The following GTPBP4 variants were observed in gnomAD, a reference collection of about 807,000 sequenced individuals.
GTPBP4 encodes GTP-binding protein 4.
GTPBP4 carries 15 observed loss-of-function variants against 81.7 expected under a neutral mutation model. That is an observed-to-expected ratio of 0.18 (90% CI 0.12 to 0.28). The LOEUF (loss-of-function observed/expected upper bound fraction) is 0.28, where lower values mean the gene tolerates loss of function less well. GTPBP4 is among the 10% of genes least tolerant of loss of function. GTPBP4 has a pLI of 1.00. For missense variants in GTPBP4, 847 were observed against 793.8 expected (o/e 1.07, Z -0.81); for synonymous variants, 272 against 274.6 (o/e 0.99, Z 0.09).
At chr10:1,013,619 A>G (rs1831919840) in intron 14 of GTPBP4, among the ~76,000 whole-genome samples, 1 of 152,082 alleles carries the variant, frequency 6.6e-6, no homozygotes, top group Non-Finnish European at 1.5e-5. Context: ...CAAAAAATAA[A>G]AAATTTAAAA....
chr10:991,764 C>T (rs1452064552), intron 1 of GTPBP4, among the ~76,000 whole-genome samples: 23 of 138,706 alleles, frequency 1.7e-4, no homozygotes, highest in African/African-American at 6.2e-4. Flanking sequence ...GGCGCGATCT[C>T]GGCTCACTGC....
chr10:1,007,786 G>A, intron 10 of GTPBP4: 5 of 443,926 alleles, frequency 1.1e-5, no homozygotes, highest in South Asian at 3.3e-5. Flanking sequence ...CGGCGTGGTC[G>A]GGCACTGACT....
chr10:1,000,608 T>C, intron 6 of GTPBP4, 69 bp from the exon 7 acceptor site: 1 of 879,458 alleles, frequency 1.1e-6, no homozygotes, highest in South Asian at 2.5e-5. Context: ...TGTGAGTGAC[T>C]TCTGGGATGT....
intron 13 of GTPBP4, among the ~76,000 whole-genome samples, chr10:1,011,020 C>T (rs541754122): frequency 4.4e-5 from 5 of 113,014 alleles, no homozygotes; most frequent in East Asian, 5.4e-4. Flanking sequence ...CCTGTGTCTC[C>T]GCCAGGCCCT....
Position 1,017,345 on chromosome 10 carries a change from C to CAACAAGTGCTTT in GTPBP4, c.*119_*120insACAAGTGCTTTA. The CAACAAGTGCTTT allele has an allele frequency of 1.0e-6, 1 of 965,072 alleles. No homozygotes were observed. Among genetic ancestry groups the CAACAAGTGCTTT allele is most frequent in the Non-Finnish European group, 1.6e-6 (1 of 640,818 alleles). 59.8% of individuals were successfully genotyped at this position (965,072 alleles called of 1,614,324 possible). On this transcript the variant is annotated 3_prime_UTR_variant, in exon 17 of 17. Transcript: ENST00000360803. ...ACTGAAAAAGACAAAATAAGTAAAG[C>CAACAAGTGCTTT]ACTTGTTGCTTTGCTGAAAACTATG...
At chr10:1,014,417 G>A (rs910196825) in intron 15 of GTPBP4, 105 bp downstream of exon 15, 2 of 790,050 alleles carry the variant, frequency 2.5e-6, no homozygotes, top group Non-Finnish European at 4.4e-6. Flanking sequence ...AGCACTTTGG[G>A]AGGCCAAGGC....
chr10:1,008,081 A>G (rs1273770877), intron 10 of GTPBP4: 13 of 456,390 alleles, frequency 2.8e-5, no homozygotes, highest in East Asian at 1.4e-4. Context: ...TGCATTGTAC[A>G]TAGAAAGGCT....
intron 8 of GTPBP4, among the ~76,000 whole-genome samples, chr10:1,004,856 C>T (rs1463497827): frequency 1.3e-5 from 2 of 152,162 alleles, no homozygotes; most frequent in Non-Finnish European, 2.9e-5. Flanking sequence ...GGCCACTTCC[C>T]CTGAGCAAGA....
intron 5 of GTPBP4, among the ~76,000 whole-genome samples, chr10:997,862 C>A (rs1406951333): frequency 6.6e-6 from 1 of 152,142 alleles, no homozygotes. Flanking sequence ...CCGAGTCGCT[C>A]TTTCCCTGGG....
intron 8 of GTPBP4, among the ~76,000 whole-genome samples, chr10:1,001,337 AGGTTCT>A (rs1466932161): frequency 2.0e-5 from 3 of 152,248 alleles, no homozygotes; most frequent in Non-Finnish European, 4.4e-5. Flanking sequence ...TTCATAAAAC[AGGTTCT>A]GTGATTAAAT....
chr10:1,001,009 A>C lies in GTPBP4; in HGVS notation c.908A>C (p.Asp303Ala), dbSNP rs778117247. 6.3e-7 allele frequency: 1 copy of C among 1,590,034 alleles called. No individual in the cohort carries two copies. The highest frequency in any genetic ancestry group is 2.2e-5 in the East Asian group (1 of 44,792). ...AGAATAGCTGAACTTTCTGAAGATGATCAGGTAAATCACGTTAATATTTTG... is the reference window on the plus strand; with the variant it reads ...AGAATAGCTGAACTTTCTGAAGATGCTCAGGTAAATCACGTTAATATTTTG... Reference protein sequence around the residue: ...VKRIAELSEDDQKIFTDLQSE... With the variant: ...VKRIAELSEDAQKIFTDLQSE... The change falls in exon 8 of 17, where the codon GAT becomes GCT. Residue 303 changes from aspartate (D) to alanine (A), a missense_variant. Asp to Ala is a moderately radical substitution (Grantham distance 126). Around this residue, in one of 3 missense-constraint regions of GTPBP4, gnomAD observed 600 missense variants for 557.1 expected, o/e 1.08. Transcript: ENST00000360803.
chr10:995,827 C>CA, intron 2 of GTPBP4, 102 bp from the exon 3 acceptor site: 1 of 674,190 alleles, frequency 1.5e-6, no homozygotes, highest in Non-Finnish European at 2.7e-6. Flanking sequence ...GGGGAGGAGA[C>CA]ACTGCAGGCG....
At chr10:1,009,418 C>A (rs970724204) in intron 11 of GTPBP4, 111 bp from the exon 12 acceptor site, 21 of 795,942 alleles carry the variant, frequency 2.6e-5, no homozygotes, top group South Asian at 2.5e-4. Context: ...AGGTGAACCC[C>A]ACTGATACTG....
rs2127607 is a variant in GTPBP4 at position 1,019,192 on chromosome 10, C to G, written c.*1965C>G. ...GCCTCATGGTCCAGCCAGGCTAGTC[C>G]GCCTGCTTCAGGACTCTCAAGATCT... On this transcript the variant is annotated 3_prime_UTR_variant, in exon 17 of 17. Transcript: ENST00000360803. 4 of 236,218 alleles carry G rather than the reference C, an allele frequency of 1.7e-5. No homozygotes were observed. The highest frequency in any genetic ancestry group is 3.3e-5 in the Non-Finnish European group (4 of 120,492). 14.6% of individuals were successfully genotyped at this position (236,218 alleles called of 1,614,324 possible).
At chr10:1,008,707 G>T (rs1831796043) in intron 10 of GTPBP4, among the ~76,000 whole-genome samples, 1 of 151,770 alleles carries the variant, frequency 6.6e-6, no homozygotes, top group Admixed American at 6.6e-5. Flanking sequence ...TCACTTTGTG[G>T]AGTCCTCCTG....
intron 16 of GTPBP4, among the ~76,000 whole-genome samples, chr10:1,016,812 G>A (rs1382227920): frequency 6.6e-6 from 1 of 151,964 alleles, no homozygotes; most frequent in Non-Finnish European, 1.5e-5. Flanking sequence ...ACTGTGCTGG[G>A]CTTAAGAGAA....
chr10:1,006,912 G>A (rs1357167299), intron 9 of GTPBP4, 106 bp from the exon 10 acceptor site: 2 of 721,756 alleles, frequency 2.8e-6, no homozygotes, highest in East Asian at 2.6e-5. Flanking sequence ...TAGTTACCTT[G>A]AGGGAAAAGG....
At chr10:996,074 G>A (rs1461611152) in intron 3 of GTPBP4, 32 bp from the exon 4 acceptor site, 15 of 1,434,600 alleles carry the variant, frequency 1.0e-5, no homozygotes, top group Non-Finnish European at 1.4e-5. Context: ...GTTATCGAAA[G>A]TGGAAAAAAT....
At chr10:991,630 A>G (rs1176237368) in intron 1 of GTPBP4, among the ~76,000 whole-genome samples, 5 of 152,034 alleles carry the variant, frequency 3.3e-5, no homozygotes, top group East Asian at 1.9e-4. Flanking sequence ...TTAAGTTTCA[A>G]AGGTTCTTAG....
Sources: allele counts gnomAD v4.1 joint callset (sites outside exome capture counted in the v4.1 genomes callset), GRCh38; gene constraint gnomAD v4.1.1; regional missense constraint gnomAD v4.1.1; transcripts MANE v1.5; gene names NCBI Gene and HGNC (gene_info 2026-07-23, HGNC 2026-07-21).